NKAIN2: variants seen among roughly 807,000 people sequenced by gnomAD.
The protein encoded by NKAIN2 is sodium/potassium-transporting ATPase subunit beta-1-interacting protein 2.
NKAIN2 carries 14 observed loss-of-function variants against 32.6 expected under a neutral mutation model. That is an observed-to-expected ratio of 0.43 (90% CI 0.28 to 0.67). The LOEUF is 0.67. Among genes scored for constraint, NKAIN2 ranks in the 30% least tolerant of loss-of-function variants. The probability of loss-of-function intolerance (pLI) is 0.17; values close to 1 mark genes in which losing one functional copy is unlikely to be tolerated. For synonymous variants in NKAIN2, 80 were observed against 87.2 expected (o/e 0.92, Z 0.46); for missense variants, 198 against 258.3 (o/e 0.77, Z 1.60).
At chr6:124,456,936 G>A (rs758681849) in intron 3 of NKAIN2, among the ~76,000 whole-genome samples, 78 of 151,758 alleles carry the variant, frequency 5.1e-4, no homozygotes, top group Non-Finnish European at 9.0e-4. Flanking sequence ...CTCATTTATT[G>A]TGGCAGTGGT....
chr6:124,015,787 A>G (rs1263486678), intron 1 of NKAIN2, among the ~76,000 whole-genome samples: 12 of 152,202 alleles, frequency 7.9e-5, no homozygotes, highest in Non-Finnish European at 1.6e-4. Context: ...GAGCTGTTCT[A>G]GGATTTCCCT....
At chr6:124,110,970 A>G (rs1785359196) in intron 1 of NKAIN2, among the ~76,000 whole-genome samples, 1 of 152,106 alleles carries the variant, frequency 6.6e-6, no homozygotes, top group Admixed American at 6.6e-5. Flanking sequence ...TAGTGAAGTC[A>G]TCTTATCCTG....
At position 123,852,904 on chromosome 6, in the gene NKAIN2, CAA is replaced by C. The variant is rs1775409585; in HGVS notation, c.54+48651_54+48652del. 1.1e-4 allele frequency among the ~76,000 whole-genome samples: 16 copies of C among 152,238 alleles called. No individual in the cohort carries two copies. The South Asian group carries it at 3.1e-3, about 30-fold the overall frequency. On this transcript the variant is annotated intron_variant, in intron 1 of 6. Transcript: ENST00000368417. Reference sequence around the variant, plus strand: ...GGTGCTCCGTGGAAATCTTTGGAATCAAGAGAATAAGGCAAATATGTGCTATT... The same window carrying C: ...GGTGCTCCGTGGAAATCTTTGGAATCGAGAATAAGGCAAATATGTGCTATT...
At chr6:124,740,790 C>T (rs184308255) in intron 4 of NKAIN2, among the ~76,000 whole-genome samples, 18 of 151,816 alleles carry the variant, frequency 1.2e-4, no homozygotes, top group Admixed American at 1.1e-3. Flanking sequence ...GAGAAGAAAC[C>T]AGATCAAGAA....
At chr6:124,028,736 CGTATATATGT>C (rs1781240497) in intron 1 of NKAIN2, among the ~76,000 whole-genome samples, 1 of 142,566 alleles carries the variant, frequency 7.0e-6, no homozygotes, top group Admixed American at 6.9e-5. Context: ...CGTGTATACA[CGTATATATGT>C]GTATATATAC....
intron 3 of NKAIN2, among the ~76,000 whole-genome samples, chr6:124,433,979 G>A (rs997595367): frequency 1.3e-4 from 20 of 151,914 alleles, no homozygotes; most frequent in African/African-American, 3.9e-4. Context: ...AGGATAAAGC[G>A]AAAAAAATCC....
intron 1 of NKAIN2, among the ~76,000 whole-genome samples, chr6:124,220,537 G>GTATATATATATA (rs3055327): frequency 1.4e-5 from 2 of 148,114 alleles, no homozygotes; most frequent in African/African-American, 4.9e-5. Flanking sequence ...ACATACATAT[G>GTATATATATATA]TATATATATA....
At chr6:124,117,517 T>G (rs889146451) in intron 1 of NKAIN2, among the ~76,000 whole-genome samples, 4 of 152,194 alleles carry the variant, frequency 2.6e-5, no homozygotes, top group Non-Finnish European at 5.9e-5. Flanking sequence ...TTTCACTTTA[T>G]TTTGCATTGT....
intron 1 of NKAIN2, among the ~76,000 whole-genome samples, chr6:124,117,664 A>T (rs530716666): frequency 2.6e-4 from 40 of 152,154 alleles, no homozygotes; most frequent in South Asian, 1.7e-3. Context: ...ATAATAATAA[A>T]AAAAGAAAAT....
chr6:124,562,201 C>T (rs575681350), intron 3 of NKAIN2, among the ~76,000 whole-genome samples: 19 of 152,214 alleles, frequency 1.2e-4, no homozygotes, highest in Admixed American at 5.9e-4. Context: ...GTATATGCTA[C>T]GTCACCAAAA....
chr6:123,918,072 C>A (rs1775580105), intron 1 of NKAIN2, among the ~76,000 whole-genome samples: 1 of 152,112 alleles, frequency 6.6e-6, no homozygotes, highest in Non-Finnish European at 1.5e-5. Flanking sequence ...ACTATCCATG[C>A]TCTTGAGTAC....
intron 1 of NKAIN2, among the ~76,000 whole-genome samples, chr6:123,918,292 T>G (rs1046236953): frequency 3.9e-5 from 6 of 152,202 alleles, no homozygotes; most frequent in Non-Finnish European, 8.8e-5. Flanking sequence ...TAATGCAGAT[T>G]AAACTTAAAA....
At chr6:124,206,344 A>T (rs906784920) in intron 1 of NKAIN2, among the ~76,000 whole-genome samples, 1 of 151,922 alleles carries the variant, frequency 6.6e-6, no homozygotes, top group Admixed American at 6.6e-5. Flanking sequence ...TTAAGCGCAT[A>T]AAACAAGCCT....
At chr6:124,438,054 C>T (rs949935742) in intron 3 of NKAIN2, 1 of 260,126 alleles carries the variant, frequency 3.8e-6, no homozygotes, top group Non-Finnish European at 7.7e-6. Context: ...TAGACCTGGG[C>T]TTCACATATG....
At chr6:123,853,219 A>G (rs1042031841) in intron 1 of NKAIN2, among the ~76,000 whole-genome samples, 1 of 152,218 alleles carries the variant, frequency 6.6e-6, no homozygotes. Context: ...GACAGTAGAA[A>G]TTTAGTAATT....
chr6:124,813,334 A>C (rs1781001005), intron 5 of NKAIN2, among the ~76,000 whole-genome samples: 1 of 152,324 alleles, frequency 6.6e-6, no homozygotes, highest in Non-Finnish European at 1.5e-5. Context: ...TTACAGTATT[A>C]GATGGGAAGA....
At chr6:124,049,849 T>C (rs1292241656) in intron 1 of NKAIN2, among the ~76,000 whole-genome samples, 1 of 151,982 alleles carries the variant, frequency 6.6e-6, no homozygotes, top group Non-Finnish European at 1.5e-5. Flanking sequence ...CCATTTGACT[T>C]ATAATGGCCC....
intron 3 of NKAIN2, among the ~76,000 whole-genome samples, chr6:124,377,886 T>C (rs1800058910): frequency 6.6e-6 from 1 of 152,168 alleles, no homozygotes; most frequent in Non-Finnish European, 1.5e-5. Flanking sequence ...CCATATTCTC[T>C]TCACATGAGA....
At chr6:124,789,350 A>C (rs908772079) in intron 4 of NKAIN2, among the ~76,000 whole-genome samples, 2 of 152,122 alleles carry the variant, frequency 1.3e-5, no homozygotes, top group African/African-American at 4.8e-5. Flanking sequence ...AAAGAAGAGG[A>C]AAACTATTGA....
Sources: gnomAD v4.1 joint callset for allele counts (sites outside exome capture counted in the v4.1 genomes callset) on GRCh38, gnomAD v4.1.1 for gene constraint, MANE v1.5 for transcripts, NCBI Gene and HGNC (gene_info 2026-07-23, HGNC 2026-07-21) for gene names.